Variants in FRS2 observed in about 807,000 individuals in gnomAD.
FRS2 encodes the protein fibroblast growth factor receptor substrate 2.
Under a neutral mutation model 43.9 loss-of-function variants are expected in FRS2, and 8 were observed. The ratio of observed to expected loss-of-function variants is 0.18; its 90% CI spans 0.11 to 0.33. FRS2 has a LOEUF of 0.33. FRS2 is among the 10% of genes least tolerant of loss of function. The pLI, the probability that FRS2 is intolerant of heterozygous loss-of-function variation, is 1.00. For synonymous variants in FRS2, 219 were observed against 220.3 expected, an observed-to-expected ratio of 0.99 and a Z score of 0.05; for missense variants, 534 against 627.6, an observed-to-expected ratio of 0.85 and a Z score of 1.59.
intron 1 of FRS2, among the ~76,000 whole-genome samples, chr12:69,508,201 C>G (rs762820986): frequency 5.9e-5 from 9 of 152,134 alleles, no homozygotes; most frequent in Non-Finnish European, 1.0e-4. Context: ...TAAATCAACT[C>G]TACTATTGCT....
rs752378134 is a variant in FRS2, at chr12:69,521,599, GTTTTGTTTTTTGTT to G, written c.-260-9247_-260-9234del. ...TCCTTCAGTACCTAGTTTGTTGAGA[GTTTTGTTTTTTGTT>G]TTTTGTTTTTTGTTTTTTTTGAGAT... On this transcript the variant is annotated intron_variant, in intron 1 of 8. Transcript: ENST00000549921. Among the ~76,000 whole-genome samples the G allele has an allele frequency of 9.2e-5, 14 of 151,928 alleles. No individual in the cohort carries two copies. The East Asian group carries it at 1.4e-3, about 15-fold the overall frequency.
intron 1 of FRS2, among the ~76,000 whole-genome samples, chr12:69,525,199 T>G (rs1268260817): frequency 1.3e-5 from 2 of 152,120 alleles, no homozygotes; most frequent in African/African-American, 4.8e-5. Context: ...ATTGTTTTTT[T>G]TTTTTTTACT....
chr12:69,491,688 T>C (rs547966418), intron 1 of FRS2: 1 of 152,058 alleles, frequency 6.6e-6, no homozygotes, highest in African/African-American at 2.4e-5. Context: ...TTTTAAAATT[T>C]TGTTGTAGAG....
intron 1 of FRS2, among the ~76,000 whole-genome samples, chr12:69,484,848 TAAC>T (rs1439770860): frequency 2.6e-5 from 4 of 152,188 alleles, no homozygotes; most frequent in African/African-American, 9.6e-5. Context: ...AATACAAAAA[TAAC>T]AAAACAACAA....
At chr12:69,524,247 T>C (rs1448477065) in intron 1 of FRS2, among the ~76,000 whole-genome samples, 1 of 151,058 alleles carries the variant, frequency 6.6e-6, no homozygotes, top group Non-Finnish European at 1.5e-5. Flanking sequence ...GGGACGGGGG[T>C]GCACTCACGG....
At chr12:69,497,579 T>C (rs1394991977) in intron 1 of FRS2, among the ~76,000 whole-genome samples, 1 of 152,128 alleles carries the variant, frequency 6.6e-6, no homozygotes, top group African/African-American at 2.4e-5. Flanking sequence ...ATACCGTTGT[T>C]TTGGGTACTA....
Position 69,574,843 on chromosome 12 carries a change from C to G in FRS2, c.1415C>G (p.Ala472Gly). 1 of 1,613,868 alleles carries G rather than the reference C, an allele frequency of 6.2e-7. No individual in the cohort carries two copies. Among genetic ancestry groups the G allele is most frequent in the Non-Finnish European group, 8.5e-7 (1 of 1,179,828 alleles). ...QTPTRRTELY[A>G]VIDIERTAAM... is the part of the protein sequence containing the mutation. ...CCTACCAGGCGCACAGAGCTGTATG[C>G]CGTGATAGACATCGAGAGAACTGCT... is the stretch of plus-strand genomic sequence containing the variant. The change falls in exon 9 of 9, where the codon GCC becomes GGC. Residue 472 changes from alanine (A) to glycine (G), a missense_variant. Around this residue, in one of 3 missense-constraint regions of FRS2, gnomAD observed 446 missense variants for 494.2 expected, o/e 0.90. Coordinates refer to ENST00000549921, the MANE Select transcript of FRS2 (RefSeq NM_001278356.2).
chr12:69,570,241 A>AC, intron 5 of FRS2, 90 bp from the exon 6 acceptor site: 1 of 935,584 alleles, frequency 1.1e-6, no homozygotes, highest in Non-Finnish European at 1.7e-6. Flanking sequence ...TGATGAATGA[A>AC]CTAACAAATT....
chr12:69,562,265 C>A lies in FRS2; in HGVS notation c.-36C>A. On this transcript the variant is annotated 5_prime_UTR_variant, in exon 4 of 9. Coordinates refer to ENST00000549921, the MANE Select transcript of FRS2 (RefSeq NM_001278356.2). Reference sequence around the variant, plus strand: ...CAGCAGAGGCTAAGAATATTAATGGCCAGATCTAGGTAAGTTGAAGTTTAT... The same window carrying A: ...CAGCAGAGGCTAAGAATATTAATGGACAGATCTAGGTAAGTTGAAGTTTAT... 2.5e-6 allele frequency: 1 copy of A among 398,344 alleles called. No homozygotes were observed. The highest frequency in any genetic ancestry group is 4.4e-5 in the Admixed American group (1 of 22,718). 24.7% of individuals were successfully genotyped at this position (398,344 alleles called of 1,614,324 possible).
At chr12:69,538,861 A>G (rs1266173851) in intron 3 of FRS2, among the ~76,000 whole-genome samples, 4 of 152,186 alleles carry the variant, frequency 2.6e-5, no homozygotes, top group South Asian at 4.1e-4. Context: ...GTCGTAGTCT[A>G]TTCTCCATGA....
chr12:69,542,205 A>T (rs1877977584), intron 3 of FRS2, among the ~76,000 whole-genome samples: 1 of 152,234 alleles, frequency 6.6e-6, no homozygotes, highest in South Asian at 2.1e-4. Flanking sequence ...TCTAATTAAA[A>T]AGTGAAAATG....
At chr12:69,477,590 T>A (rs982237643) in intron 1 of FRS2, among the ~76,000 whole-genome samples, 2 of 149,204 alleles carry the variant, frequency 1.3e-5, no homozygotes, top group African/African-American at 5.0e-5. Context: ...CCTAAAATAC[T>A]CTTAACTAAA....
chr12:69,567,448 C>G (rs1880397344), intron 4 of FRS2, among the ~76,000 whole-genome samples: 1 of 152,142 alleles, frequency 6.6e-6, no homozygotes, highest in Admixed American at 6.5e-5. Flanking sequence ...ATAGCACCTT[C>G]TGTATGCTAG....
chr12:69,518,250 T>C (rs1298657614), intron 1 of FRS2, among the ~76,000 whole-genome samples: 1 of 152,232 alleles, frequency 6.6e-6, no homozygotes, highest in African/African-American at 2.4e-5. Flanking sequence ...CTTCTTTGTC[T>C]TTTGTACAAT....
chr12:69,532,250 GGATAAAAGGGAAT>G (rs1876872660), intron 3 of FRS2, among the ~76,000 whole-genome samples, 194 bp downstream of exon 3: 1 of 152,114 alleles, frequency 6.6e-6, no homozygotes. Context: ...TTTGAATTTA[GGATAAAAGGGAAT>G]GATAAAAGTA....
chr12:69,497,272 G>A (rs1264351782), intron 1 of FRS2, among the ~76,000 whole-genome samples: 1 of 152,210 alleles, frequency 6.6e-6, no homozygotes, highest in Non-Finnish European at 1.5e-5. Flanking sequence ...GGTGAGCTTA[G>A]TGCTCTTAGT....
chr12:69,552,978 A>C (rs1289398504), intron 3 of FRS2, among the ~76,000 whole-genome samples: 1 of 152,222 alleles, frequency 6.6e-6, no homozygotes, highest in African/African-American at 2.4e-5. Context: ...TGTGCTGAGA[A>C]TGAGTGACCC....
chr12:69,519,990 A>T (rs932987785), intron 1 of FRS2, among the ~76,000 whole-genome samples: 5 of 152,184 alleles, frequency 3.3e-5, no homozygotes, highest in Non-Finnish European at 7.4e-5. Context: ...ACCACACTGC[A>T]TTCCACAGTG....
At chr12:69,492,502 G>T (rs1037621559) in intron 1 of FRS2, among the ~76,000 whole-genome samples, 1 of 152,130 alleles carries the variant, frequency 6.6e-6, no homozygotes, top group Non-Finnish European at 1.5e-5. Context: ...GAAATGGAAT[G>T]GAAAAGAAGA....
Sources: gnomAD v4.1 joint callset for allele counts (sites outside exome capture counted in the v4.1 genomes callset) on GRCh38, gnomAD v4.1.1 for gene constraint, gnomAD v4.1.1 regional missense constraint, MANE v1.5 for transcripts, NCBI Gene and HGNC (gene_info 2026-07-23, HGNC 2026-07-21) for gene names.